The following RAI14 variants were observed in gnomAD, a reference collection of about 807,000 sequenced individuals.
The protein encoded by RAI14 is ankycorbin.
A neutral mutation model predicts 115.4 loss-of-function variants in RAI14; 45 were observed. The ratio of observed to expected loss-of-function variants is 0.39; its 90% CI spans 0.31 to 0.50. RAI14 has a LOEUF of 0.50. Ranked by LOEUF, RAI14 falls within the 20% of genes least tolerant of loss-of-function variation. RAI14 has a pLI of 0.85. For missense variants in RAI14, 939 were observed against 1,131.2 expected, an observed-to-expected ratio of 0.83 and a Z score of 2.44; for synonymous variants, 371 against 415.4, an observed-to-expected ratio of 0.89 and a Z score of 1.30.
intron 2 of RAI14, among the ~76,000 whole-genome samples, chr5:34,713,848 C>T (rs1179049047): frequency 6.6e-6 from 1 of 152,202 alleles, no homozygotes. Context: ...CTCTGTCACC[C>T]AGGCTGGAGT....
chr5:34,662,721 ATTTT>A (rs746930489), intron 1 of RAI14, among the ~76,000 whole-genome samples: 4 of 91,886 alleles, frequency 4.4e-5, no homozygotes, highest in Non-Finnish European at 8.0e-5. Context: ...ATTTAAACAG[ATTTT>A]TTTTTTTTTT....
At position 34,795,954 on chromosome 5, in the gene RAI14, T is replaced by C; in HGVS notation, c.183T>C (p.Ala61=). The change falls in exon 4 of 18, where the codon GCT becomes GCC. Residue 61 remains alanine, a synonymous_variant. Coordinates refer to ENST00000265109, the MANE Select transcript of RAI14 (RefSeq NM_015577.3). The stretch of plus-strand genomic sequence containing the variant: ...CTCTTTCCAGTTTCCATCTTGCTGC[T>C]GCAAAAGGACACGTGGAATGCCTCA... The part of the protein sequence containing the change: ...SEGKTAFHLA[A]AKGHVECLRV... The C allele has an allele frequency of 6.2e-7, 1 of 1,613,308 alleles. No homozygotes were observed. Among genetic ancestry groups the C allele is most frequent in the Non-Finnish European group, 8.5e-7 (1 of 1,179,382 alleles).
chr5:34,702,227 G>A (rs926632972), intron 2 of RAI14, among the ~76,000 whole-genome samples: 4 of 152,180 alleles, frequency 2.6e-5, no homozygotes, highest in African/African-American at 9.7e-5. Context: ...CTCCTAGCTA[G>A]GGAAGAAATT....
At chr5:34,802,691 A>T (rs969184691) in intron 4 of RAI14, among the ~76,000 whole-genome samples, 3 of 152,198 alleles carry the variant, frequency 2.0e-5, no homozygotes, top group African/African-American at 7.2e-5. Context: ...ATAATTAACT[A>T]TATAAGTGTG....
Position 34,823,005 on chromosome 5 carries a change from A to T in RAI14, c.1163A>T (p.His388Leu), listed in dbSNP as rs887577806. ...AEADLSFDSY[H>L]STQTDLGPSL... is the part of the protein sequence containing the mutation. ...GCAGACCTAAGCTTTGACTCATACCATTCCACCCAAACTGACTTGGGCCCA... is the reference window on the plus strand; with the variant it reads ...GCAGACCTAAGCTTTGACTCATACCTTTCCACCCAAACTGACTTGGGCCCA... Residue 388 changes from histidine to leucine, a missense_variant, in exon 15 of 18, where the codon CAT (histidine) becomes CTT (leucine). His to Leu is a moderately conservative substitution (Grantham distance 99, BLOSUM62 -3). Transcript: ENST00000265109. This position sits in a 1 kb window ranked among gnomAD's most constrained non-coding sequence, Gnocchi z 4.5. The T allele has an allele frequency of 1.2e-6, 2 of 1,613,844 alleles. No individual in the cohort carries two copies. Among genetic ancestry groups the T allele is most frequent in the Admixed American group, 3.3e-5 (2 of 59,972 alleles).
intron 1 of RAI14, among the ~76,000 whole-genome samples, chr5:34,662,875 C>T (rs780593360): frequency 1.3e-5 from 2 of 151,834 alleles, no homozygotes; most frequent in African/African-American, 2.4e-5. Context: ...ACTGCAGGTA[C>T]ATGCCACCAT....
chr5:34,778,546 G>A (rs1454983020), intron 3 of RAI14, among the ~76,000 whole-genome samples: 1 of 152,098 alleles, frequency 6.6e-6, no homozygotes, highest in Non-Finnish European at 1.5e-5. Context: ...CCCTGTCACT[G>A]GGCTTGAGTT....
intron 2 of RAI14, chr5:34,687,785 C>T: frequency 1.3e-6 from 2 of 1,517,894 alleles, no homozygotes; most frequent in Non-Finnish European, 1.8e-6. Flanking sequence ...TAAAGATGAA[C>T]CTGGATTTTA....
intron 2 of RAI14, among the ~76,000 whole-genome samples, chr5:34,742,081 G>T (rs529142137): frequency 6.6e-6 from 1 of 152,344 alleles, no homozygotes; most frequent in South Asian, 2.1e-4. Flanking sequence ...GGAAACGAGA[G>T]ACGTGGCGCT....
chr5:34,752,322 A>G (rs1274719689), intron 2 of RAI14, among the ~76,000 whole-genome samples: 2 of 152,218 alleles, frequency 1.3e-5, no homozygotes. Flanking sequence ...ATTTAGGCCA[A>G]TCAACCTCCT....
intron 2 of RAI14, chr5:34,687,441 C>T: frequency 1.4e-6 from 1 of 713,308 alleles, no homozygotes; most frequent in Non-Finnish European, 2.0e-6. Context: ...ACCTTTCCTC[C>T]CCCCGAATTC....
intron 2 of RAI14, among the ~76,000 whole-genome samples, chr5:34,744,805 C>G (rs1277487254): frequency 6.6e-6 from 1 of 152,226 alleles, no homozygotes. Context: ...GAAATGTATT[C>G]TCTCAACAGA....
intron 2 of RAI14, among the ~76,000 whole-genome samples, chr5:34,742,727 G>A (rs1176494725): frequency 6.6e-6 from 1 of 152,012 alleles, no homozygotes; most frequent in African/African-American, 2.4e-5. Flanking sequence ...GCAGTGGTGC[G>A]ATCTCGGCTC....
intron 14 of RAI14, among the ~76,000 whole-genome samples, chr5:34,822,304 T>C (rs950274563): frequency 2.7e-5 from 4 of 147,902 alleles, no homozygotes; most frequent in East Asian, 2.0e-4. Context: ...AAGTTGATCA[T>C]TTAACAGGTT....
intron 1 of RAI14, among the ~76,000 whole-genome samples, chr5:34,670,927 T>C (rs987766586): frequency 2.6e-4 from 39 of 152,230 alleles, no homozygotes; most frequent in African/African-American, 8.7e-4. Flanking sequence ...GAAGCAATGG[T>C]ATAGTTAATT....
chr5:34,737,708 A>T (rs1454492871), intron 2 of RAI14, among the ~76,000 whole-genome samples: 1 of 152,176 alleles, frequency 6.6e-6, no homozygotes, highest in Non-Finnish European at 1.5e-5. Context: ...GCAGTGAGCT[A>T]TGAGCCCACC....
At chr5:34,792,098 T>G (rs1246415167) in intron 3 of RAI14, among the ~76,000 whole-genome samples, 1 of 152,202 alleles carries the variant, frequency 6.6e-6, no homozygotes, top group Non-Finnish European at 1.5e-5. Flanking sequence ...TTACTTCCAT[T>G]TCCCAGAAGC....
intron 4 of RAI14, among the ~76,000 whole-genome samples, chr5:34,799,685 A>ATTTTTTTTTTTTTTTTTTTTTTTTTTTT (rs57115550): frequency 2.9e-5 from 3 of 103,398 alleles, no homozygotes; most frequent in African/African-American, 1.2e-4. Context: ...ATCTGTTAGC[A>ATTTTTTTTTTTTTTTTTTTTTTTTTTTT]TTTTTTTTTT....
At chr5:34,784,010 A>G (rs188597596) in intron 3 of RAI14, among the ~76,000 whole-genome samples, 107 of 152,322 alleles carry the variant, frequency 7.0e-4, no homozygotes, top group African/African-American at 2.5e-3. Flanking sequence ...TGTGACATCC[A>G]TTTGCCAAAG....
Sources: allele counts gnomAD v4.1 joint callset (sites outside exome capture counted in the v4.1 genomes callset), GRCh38; gene constraint gnomAD v4.1.1; non-coding constraint Gnocchi (gnomAD v3.1); transcripts MANE v1.5; gene names NCBI Gene and HGNC (gene_info 2026-07-23, HGNC 2026-07-21).